Variants in F8 observed in about 807,000 individuals in gnomAD.
F8 encodes the protein coagulation factor VIII.
Under a neutral mutation model 140.6 loss-of-function variants are expected in F8, and 12 were observed. The ratio of observed to expected loss-of-function variants is 0.09; its 90% CI spans 0.05 to 0.14. The LOEUF (loss-of-function observed/expected upper bound fraction) is 0.14. Ranked by LOEUF, F8 falls within the 10% of genes least tolerant of loss-of-function variation. The probability of loss-of-function intolerance (pLI) is 1.00; values close to 1 mark genes in which losing one functional copy is unlikely to be tolerated. For synonymous variants in F8, 585 were observed against 614.6 expected (o/e 0.95, Z 0.71); for missense variants, 1,354 against 1,720.7 (o/e 0.79, Z 3.77).
At position 154,905,039 on chromosome X, in the gene F8, G is replaced by GA. The variant is rs782210937; in HGVS notation, c.5374-17dup. 1.8e-6 allele frequency: 2 copies of GA among 1,094,721 alleles called. No homozygotes were observed. 90.2% of individuals were successfully genotyped at this position (1,094,721 alleles called of 1,213,427 possible). ...TGAAAGTTACCTGTAGAACAATAAC[G>GA]ACAAAAAAAAAAAAGCAAGAATAAT... On this transcript the variant is annotated splice_polypyrimidine_tract_variant and intron_variant, in intron 15 of 25. Coordinates refer to ENST00000360256, the MANE Select transcript of F8 (RefSeq NM_000132.4).
chrX:154,997,555 G>A (rs2073624265), intron 2 of F8, among the ~76,000 whole-genome samples: 1 of 112,048 alleles, frequency 8.9e-6, no homozygotes, highest in Non-Finnish European at 1.9e-5. Flanking sequence ...GTAGAGATCT[G>A]ACTAATGAAA....
rs2073190248 is a variant in F8 at position 154,930,650 on chromosome X, A to G, written c.3140T>C (p.Val1047Ala). The part of the protein sequence containing the change: ...PSLLIENSPS[V>A]WQNILESDTE... ...GTCACTTTCTAATATATTTTGCCAGACTGATGGACTATTCTCAATTAATAA... is the reference window on the plus strand; with the variant it reads ...GTCACTTTCTAATATATTTTGCCAGGCTGATGGACTATTCTCAATTAATAA... The change falls in exon 14 of 26, where the codon GTC becomes GCC. Residue 1047 changes from valine (V) to alanine (A), a missense_variant. Around this residue, in one of 4 missense-constraint regions of F8, gnomAD observed 658 missense variants for 666.5 expected, o/e 0.99. Coordinates refer to ENST00000360256, the MANE Select transcript of F8 (RefSeq NM_000132.4). 10 of 1,210,438 alleles carry G rather than the reference A, an allele frequency of 8.3e-6. No individual in the cohort carries two copies. Among genetic ancestry groups the G allele is most frequent in the African/African-American group, 1.7e-5 (1 of 57,836 alleles).
chrX:154,865,860 T>C (rs1363778923), intron 22 of F8, among the ~76,000 whole-genome samples: 1 of 111,348 alleles, frequency 9.0e-6, no homozygotes, highest in Non-Finnish European at 1.9e-5. Context: ...AACCTATCAA[T>C]AATTACTTTA....
intron 25 of F8, among the ~76,000 whole-genome samples, chrX:154,849,842 T>C (rs1557272026): frequency 9.0e-6 from 1 of 111,148 alleles, no homozygotes; most frequent in African/African-American, 3.3e-5. Flanking sequence ...TTCTATTACT[T>C]ACTGGCTATC....
intron 22 of F8, among the ~76,000 whole-genome samples, chrX:154,890,402 G>A (rs189363528): frequency 2.7e-5 from 3 of 111,867 alleles, no homozygotes; most frequent in African/African-American, 9.8e-5. Flanking sequence ...AAAGATTGAA[G>A]AATAAGTGAA....
intron 14 of F8, among the ~76,000 whole-genome samples, chrX:154,923,576 C>T (rs1420443869): frequency 1.8e-5 from 2 of 112,009 alleles, no homozygotes; most frequent in African/African-American, 3.2e-5. Flanking sequence ...GTGGCTCACA[C>T]CTGTAATCCC....
chrX:155,005,214 T>A (rs782341459), intron 1 of F8, among the ~76,000 whole-genome samples: 1 of 111,759 alleles, frequency 8.9e-6, no homozygotes, highest in Non-Finnish European at 1.9e-5. Flanking sequence ...AGAGTCACTA[T>A]CCTGGCAAGC....
At chrX:155,019,045 A>C (rs1225276085) in intron 1 of F8, among the ~76,000 whole-genome samples, 1 of 112,310 alleles carries the variant, frequency 8.9e-6, no homozygotes, top group African/African-American at 3.2e-5. Context: ...AAATTCCATG[A>C]ATAGTAGATT....
intron 16 of F8, 53 bp downstream of exon 16, chrX:154,904,758 A>G: frequency 9.3e-7 from 1 of 1,078,967 alleles, no homozygotes; most frequent in Non-Finnish European, 1.3e-6. Context: ...TTAGTACACA[A>G]AGACCATTTC....
chrX:154,992,997 A>G lies in F8; in HGVS notation c.540T>C (p.His180=), dbSNP rs782074603. Residue 180 remains histidine (H), a synonymous_variant, in exon 4 of 26, where the codon CAT becomes CAC. Transcript: ENST00000360256. ...PLCLTYSYLS[H]VDLVKDLNSG... ...AATTCAAGTCTTTTACCAGGTCCACATGAGAAAGATATGAGTAGGTAAGGC... is the reference window on the plus strand; with the variant it reads ...AATTCAAGTCTTTTACCAGGTCCACGTGAGAAAGATATGAGTAGGTAAGGC... The G allele has an allele frequency of 8.3e-6, 10 of 1,211,963 alleles. No homozygotes were observed. In the Admixed American group the frequency reaches 2.2e-4, roughly 26 times the overall value.
chrX:155,010,795 C>T (rs1075949), intron 1 of F8, among the ~76,000 whole-genome samples: 2,665 of 110,789 alleles, frequency 0.024, 78 homozygotes, highest in African/African-American at 0.083. Context: ...AGGCTACTGA[C>T]AACCTGGGCC....
chrX:154,868,830 C>T lies in F8; in HGVS notation c.6430-5603G>A, dbSNP rs1218104662. On this transcript the variant is annotated intron_variant, in intron 22 of 25. Transcript: ENST00000360256. The stretch of plus-strand genomic sequence containing the variant: ...TCACTTGCAAAGACACACATAGGCT[C>T]AAAATAAAGGGATGGAGGAATATTT... Among the ~76,000 whole-genome samples the T allele has an allele frequency of 6.6e-5, 7 of 106,289 alleles. 1 individual carries two copies. In the Admixed American group the frequency reaches 7.1e-4, roughly 11 times the overall value. The allele number at this position is 106,289 out of a possible 115,157, so 92.3% of individuals were successfully genotyped here.
At chrX:154,943,701 G>T (rs936075476) in intron 13 of F8, among the ~76,000 whole-genome samples, 15 of 111,468 alleles carry the variant, frequency 1.3e-4, no homozygotes, top group Non-Finnish European at 2.5e-4. Context: ...AAAAGAGCCC[G>T]CATCGCCAAG....
chrX:154,940,861 C>T (rs868969101), intron 13 of F8, among the ~76,000 whole-genome samples: 1 of 112,216 alleles, frequency 8.9e-6, no homozygotes. Flanking sequence ...GGCCAACATT[C>T]AACATTCTTA....
At chrX:154,972,579 T>A (rs1221396253) in intron 6 of F8, among the ~76,000 whole-genome samples, 3 of 111,262 alleles carry the variant, frequency 2.7e-5, no homozygotes, top group Non-Finnish European at 5.7e-5. Context: ...TGAGGTCTTG[T>A]CTAACAAATT....
chrX:154,956,814 G>A (rs921026547), intron 11 of F8, 143 bp downstream of exon 11: 4 of 582,149 alleles, frequency 6.9e-6, no homozygotes, highest in Admixed American at 2.3e-5. Context: ...CAGCAGGCAC[G>A]TTTACTACGT....
At chrX:154,954,125 T>C in intron 11 of F8, 83 bp from the exon 12 acceptor site, 14 of 943,822 alleles carry the variant, frequency 1.5e-5, no homozygotes, top group Non-Finnish European at 2.0e-5. Flanking sequence ...ATGAAAGCGA[T>C]GGCATGCATG....
Position 154,987,435 on chromosome X carries a change from A to T in F8, c.602-130T>A. Reference sequence around the variant, plus strand: ...AAATGTAGTCTTCTGTCTCTTGATAACTTGGCTTTGATGTCAGGTCTCCTA... The same window carrying T: ...AAATGTAGTCTTCTGTCTCTTGATATCTTGGCTTTGATGTCAGGTCTCCTA... On this transcript the variant is annotated intron_variant, in intron 4 of 25. Coordinates refer to ENST00000360256, the MANE Select transcript of F8 (RefSeq NM_000132.4). 4 of 587,130 alleles carry T rather than the reference A, an allele frequency of 6.8e-6. No homozygotes were observed. In the South Asian group the frequency reaches 1.2e-4, roughly 17 times the overall value. 48.4% of individuals were successfully genotyped at this position (587,130 alleles called of 1,213,427 possible).
chrX:155,009,240 A>T (rs1256916592), intron 1 of F8, among the ~76,000 whole-genome samples: 1 of 111,198 alleles, frequency 9.0e-6, no homozygotes, highest in African/African-American at 3.3e-5. Flanking sequence ...CACTAGTCTT[A>T]ACATAAGCCT....
Sources: allele counts gnomAD v4.1 joint callset (sites outside exome capture counted in the v4.1 genomes callset), GRCh38; gene constraint gnomAD v4.1.1; regional missense constraint gnomAD v4.1.1; transcripts MANE v1.5; gene names NCBI Gene and HGNC (gene_info 2026-07-23, HGNC 2026-07-21).